Variants in LIMA1 observed in about 807,000 individuals in gnomAD.
LIMA1 encodes the protein LIM domain and actin binding 1.
A neutral mutation model predicts 62.6 loss-of-function variants in LIMA1; 52 were observed. That is an observed-to-expected ratio of 0.83 (90% CI 0.67 to 1.05). LIMA1 has a LOEUF of 1.05. Among genes scored for constraint, LIMA1 ranks in the 50% least tolerant of loss-of-function variants. The pLI is 0.00. For missense variants in LIMA1, 780 were observed against 902.2 expected (o/e 0.86, Z 1.74); for synonymous variants, 302 against 317.8 (o/e 0.95, Z 0.53).
chr12:50,265,659 G>C (rs1038903693), intron 1 of LIMA1, among the ~76,000 whole-genome samples: 1 of 152,078 alleles, frequency 6.6e-6, no homozygotes, highest in Non-Finnish European at 1.5e-5. Context: ...TTTGTTTTGA[G>C]CACTTTGACC....
rs71083524 is a variant in LIMA1 at position 50,261,042 on chromosome 12, ATTTTTTTTTTTT to A, written c.-23-12280_-23-12269del. On this transcript the variant is annotated intron_variant, in intron 1 of 10. Coordinates refer to ENST00000341247, the MANE Select transcript of LIMA1 (RefSeq NM_016357.5). ...CTTTTGCTTTTCTGCCATCTAGTAT[ATTTTTTTTTTTT>A]TTTTTTTTTTTTTTTTGAGATGGAG... Among the ~76,000 whole-genome samples, 8 of 54,292 alleles carry A rather than the reference ATTTTTTTTTTTT, an allele frequency of 1.5e-4. 1 individual carries two copies. The highest frequency in any genetic ancestry group is 2.2e-4 in the African/African-American group (3 of 13,942). The allele number at this position is 54,292 out of a possible 152,430, so 35.6% of individuals were successfully genotyped here. A position where few individuals can be genotyped will look rare whatever the true frequency, so the allele number is the denominator to read the frequency against.
intron 1 of LIMA1, among the ~76,000 whole-genome samples, chr12:50,268,735 G>T (rs960400558): frequency 6.6e-6 from 1 of 151,976 alleles, no homozygotes; most frequent in Admixed American, 6.6e-5. Flanking sequence ...CACCACACTG[G>T]GTCAGCAAAT....
chr12:50,266,903 T>C (rs983657497), intron 1 of LIMA1, among the ~76,000 whole-genome samples: 2 of 152,132 alleles, frequency 1.3e-5, no homozygotes, highest in African/African-American at 4.8e-5. Context: ...ATTTACTTTT[T>C]TTTTATTCTG....
chr12:50,279,263 C>T (rs1942310776), intron 1 of LIMA1, among the ~76,000 whole-genome samples: 1 of 150,918 alleles, frequency 6.6e-6, no homozygotes. Flanking sequence ...CCTCAGCCTC[C>T]CAAAGTGCTG....
intron 2 of LIMA1, among the ~76,000 whole-genome samples, chr12:50,242,353 C>T (rs145335490): frequency 9.2e-5 from 14 of 151,452 alleles, no homozygotes; most frequent in African/African-American, 3.1e-4. Flanking sequence ...TAAATATGAA[C>T]GCTCTTTGTT....
intron 9 of LIMA1, chr12:50,189,610 C>A (rs188557902): frequency 1.3e-5 from 2 of 152,284 alleles, no homozygotes; most frequent in African/African-American, 4.8e-5. Context: ...GCTAACAAAC[C>A]TAAAATAAGT....
intron 9 of LIMA1, chr12:50,189,119 C>T (rs1177379976): frequency 2.0e-5 from 3 of 152,236 alleles, no homozygotes; most frequent in Admixed American, 6.5e-5. Flanking sequence ...ATGACCCCGC[C>T]CATTCTTCCT....
rs35433011 is a variant in LIMA1 at position 50,181,112 on chromosome 12, C to CAAA, written c.1274+789_1274+791dup. 8.2e-4 allele frequency among the ~76,000 whole-genome samples: 58 copies of CAAA among 71,036 alleles called. 4 individuals carry two copies. Among genetic ancestry groups the CAAA allele is most frequent in the African/African-American group, 2.0e-3 (38 of 18,620 alleles). 46.6% of individuals were successfully genotyped at this position (71,036 alleles called of 152,430 possible). ...GGGCAACAGAGTGAGACTCTGTATC[C>CAAA]AAAAAAAAAAAAAAAAAAAAAGGTG... On this transcript the variant is annotated intron_variant, in intron 10 of 10. Transcript: ENST00000341247.
intron 1 of LIMA1, among the ~76,000 whole-genome samples, chr12:50,271,246 C>T (rs978110365): frequency 2.0e-5 from 3 of 151,848 alleles, no homozygotes; most frequent in Non-Finnish European, 4.4e-5. Flanking sequence ...ACTCCAGCCT[C>T]GGCGACAGGG....
At chr12:50,248,257 A>G (rs1236330677) in intron 2 of LIMA1, among the ~76,000 whole-genome samples, 2 of 152,214 alleles carry the variant, frequency 1.3e-5, no homozygotes, top group Non-Finnish European at 2.9e-5. Flanking sequence ...CTCAACACTC[A>G]TCTCAACCAG....
chr12:50,208,458 C>T (rs1355339985), intron 4 of LIMA1, among the ~76,000 whole-genome samples: 1 of 152,158 alleles, frequency 6.6e-6, no homozygotes, highest in Admixed American at 6.6e-5. Flanking sequence ...TGCACTCCAG[C>T]CTGGGTGACA....
At chr12:50,279,754 G>A (rs2138718160) in intron 1 of LIMA1, among the ~76,000 whole-genome samples, 1 of 152,296 alleles carries the variant, frequency 6.6e-6, no homozygotes, top group Middle Eastern at 3.4e-3. Flanking sequence ...TACTATGCAT[G>A]GACAGACAGC....
At chr12:50,194,765 C>T (rs1039032485) in intron 8 of LIMA1, among the ~76,000 whole-genome samples, 9 of 151,248 alleles carry the variant, frequency 6.0e-5, no homozygotes, top group Admixed American at 2.0e-4. Flanking sequence ...TAGCTGGGTA[C>T]GGCCAGGCAC....
chr12:50,193,667 T>TATA (rs1491331766), intron 8 of LIMA1, among the ~76,000 whole-genome samples: 839 of 52,462 alleles, frequency 0.016, 18 homozygotes, highest in African/African-American at 0.064. Context: ...TATATATATA[T>TATA]TTTTTTTTTT....
At chr12:50,186,924 G>T (rs1239762497) in intron 9 of LIMA1, 2 of 152,186 alleles carry the variant, frequency 1.3e-5, no homozygotes, top group African/African-American at 4.8e-5. Context: ...ACAGCCAAGG[G>T]AAACTCTTTG....
chr12:50,246,732 G>T (rs1378096310), intron 2 of LIMA1, among the ~76,000 whole-genome samples: 1 of 152,000 alleles, frequency 6.6e-6, no homozygotes, highest in Admixed American at 6.6e-5. Flanking sequence ...TTTTTCCATG[G>T]CAGACTGCTT....
At chr12:50,212,401 G>A (rs969436908) in intron 4 of LIMA1, among the ~76,000 whole-genome samples, 3 of 152,088 alleles carry the variant, frequency 2.0e-5, no homozygotes, top group Non-Finnish European at 2.9e-5. Flanking sequence ...CATGGAAATC[G>A]GGGCATAGAT....
At chr12:50,185,368 GA>G (rs528190791) in intron 9 of LIMA1, 25 of 456,210 alleles carry the variant, frequency 5.5e-5, no homozygotes, top group South Asian at 1.2e-4. Context: ...GAACCTGTGA[GA>G]AAGCTGAAAG....
At chr12:50,229,207 T>C (rs1439205833) in intron 3 of LIMA1, among the ~76,000 whole-genome samples, 2 of 152,142 alleles carry the variant, frequency 1.3e-5, no homozygotes, top group Admixed American at 6.6e-5. Context: ...CTTCCTTCTA[T>C]TTTTTTACAT....
Sources: allele counts gnomAD v4.1 joint callset (sites outside exome capture counted in the v4.1 genomes callset), GRCh38; gene constraint gnomAD v4.1.1; transcripts MANE v1.5; gene names NCBI Gene and HGNC (gene_info 2026-07-23, HGNC 2026-07-21).